Variants in DCAF6 observed in about 807,000 individuals in gnomAD.
DCAF6 encodes DDB1 and CUL4 associated factor 6, also known as DDB1- and CUL4-associated factor 6.
DCAF6 carries 54 observed loss-of-function variants against 125.1 expected under a neutral mutation model. The ratio of observed to expected loss-of-function variants is 0.43; its 90% CI spans 0.35 to 0.54. The LOEUF (loss-of-function observed/expected upper bound fraction) is 0.54. DCAF6 is among the 20% of genes least tolerant of loss of function. The probability of loss-of-function intolerance (pLI) is 0.01; values close to 1 mark genes in which losing one functional copy is unlikely to be tolerated. For missense variants in DCAF6, 934 were observed against 1,161.7 expected (o/e 0.80, Z 2.85); for synonymous variants, 371 against 390.4 (o/e 0.95, Z 0.58).
intron 10 of DCAF6, among the ~76,000 whole-genome samples, chr1:168,011,912 G>A (rs531218486): frequency 1.3e-5 from 2 of 152,302 alleles, no homozygotes; most frequent in African/African-American, 4.8e-5. Flanking sequence ...GGCAGAGGTT[G>A]CAGTGAGCCG....
At chr1:168,071,691 C>T (rs1398466005) in intron 21 of DCAF6, among the ~76,000 whole-genome samples, 2 of 152,102 alleles carry the variant, frequency 1.3e-5, no homozygotes. Context: ...AGTCTGCTAC[C>T]ACCTTTTTAA....
the DCAF6 span, among the ~76,000 whole-genome samples, chr1:167,875,926 G>T: frequency 2.6e-5 from 4 of 151,666 alleles, no homozygotes; most frequent in Non-Finnish European, 5.9e-5. Context: ...GCACTCCAGC[G>T]TGGGCAGCAG....
chr1:167,864,836 A>T, the DCAF6 span, among the ~76,000 whole-genome samples: 18 of 151,846 alleles, frequency 1.2e-4, no homozygotes, highest in Admixed American at 8.5e-4. Context: ...TCCTTAACCC[A>T]GTAACCCACG....
chr1:168,052,406 A>G (rs1283467276), intron 17 of DCAF6, among the ~76,000 whole-genome samples: 1 of 152,232 alleles, frequency 6.6e-6, no homozygotes, highest in African/African-American at 2.4e-5. Flanking sequence ...GGTAAAGCAG[A>G]AAATGTAACA....
the DCAF6 span, among the ~76,000 whole-genome samples, chr1:167,927,404 T>C: frequency 6.6e-6 from 1 of 152,238 alleles, no homozygotes; most frequent in Non-Finnish European, 1.5e-5. Context: ...TTCTTTGTCA[T>C]ACACAGTGTC....
At chr1:167,983,431 A>G (rs554304574) in intron 4 of DCAF6, among the ~76,000 whole-genome samples, 1 of 152,212 alleles carries the variant, frequency 6.6e-6, no homozygotes, top group South Asian at 2.1e-4. Flanking sequence ...TGGTTAGCTT[A>G]GTTGTCAGCT....
intron 13 of DCAF6, chr1:168,042,794 A>G: frequency 2.6e-6 from 1 of 381,252 alleles, no homozygotes; most frequent in Non-Finnish European, 4.8e-6. Context: ...GGATCCAAAC[A>G]GTGAAGAAGC....
At chr1:168,029,217 T>C (rs900246976) in intron 12 of DCAF6, among the ~76,000 whole-genome samples, 5 of 152,224 alleles carry the variant, frequency 3.3e-5, no homozygotes, top group Non-Finnish European at 4.4e-5. Context: ...ATAACTGACA[T>C]TTATTGAGTT....
At chr1:167,940,364 C>A (rs1456809798) in intron 1 of DCAF6, among the ~76,000 whole-genome samples, 1 of 151,832 alleles carries the variant, frequency 6.6e-6, no homozygotes, top group East Asian at 1.9e-4. Flanking sequence ...ATGTAGGATT[C>A]TTTTTTTTGG....
At chr1:167,938,140 C>T (rs929798956) in intron 1 of DCAF6, among the ~76,000 whole-genome samples, 2 of 152,112 alleles carry the variant, frequency 1.3e-5, no homozygotes, top group East Asian at 3.8e-4. Context: ...TCCCTTTGAT[C>T]CCTCCCATTC....
chr1:167,918,447 T>A, the DCAF6 span: 11 of 828,404 alleles, frequency 1.3e-5, no homozygotes, highest in East Asian at 1.9e-4. Flanking sequence ...CTCCATTTCT[T>A]CTTTCTTGGT....
intron 12 of DCAF6, chr1:168,023,489 A>G (rs1241541550): frequency 6.0e-6 from 1 of 167,820 alleles, no homozygotes; most frequent in African/African-American, 2.4e-5. Flanking sequence ...CTTATCTGGT[A>G]GCCAAATTCC....
intron 2 of DCAF6, among the ~76,000 whole-genome samples, chr1:167,953,856 C>T (rs566739585): frequency 1.3e-5 from 2 of 152,238 alleles, no homozygotes; most frequent in South Asian, 2.1e-4. Context: ...GCCTTGGCCT[C>T]CAAAAGTGCT....
chr1:167,972,988 T>G (rs1677567509), intron 3 of DCAF6, among the ~76,000 whole-genome samples: 1 of 152,204 alleles, frequency 6.6e-6, no homozygotes, highest in South Asian at 2.1e-4. Flanking sequence ...TCATAAATTT[T>G]TAAGAGTAAT....
Position 167,987,592 on chromosome 1 carries a change from A to T in DCAF6, c.536A>T (p.Lys179Ile). ...FDTRIKTSCT[K>I]EDCKDDILIN... is the part of the protein sequence containing the mutation. ...ACACGCATCAAAACTAGCTGCACAA[A>T]AGAAGATTGTAAAGATGTAAGAATT... is the stretch of plus-strand genomic sequence containing the variant. Residue 179 changes from lysine to isoleucine, a missense_variant, in exon 5 of 22, where the codon AAA becomes ATA. Lys to Ile is a moderately radical substitution (Grantham distance 102). Around this residue, in one of 5 missense-constraint regions of DCAF6, gnomAD observed 309 missense variants for 381.2 expected, o/e 0.81. Coordinates refer to ENST00000367840, the MANE Select transcript of DCAF6 (RefSeq NM_001198956.2). The T allele has an allele frequency of 6.3e-7, 1 of 1,577,006 alleles. No homozygotes were observed. The highest frequency in any genetic ancestry group is 1.1e-5 in the South Asian group (1 of 89,736).
chr1:167,877,399 G>T, the DCAF6 span, among the ~76,000 whole-genome samples: 1 of 151,696 alleles, frequency 6.6e-6, no homozygotes, highest in African/African-American at 2.4e-5. Flanking sequence ...CAGGAATACT[G>T]AAGGGAATAA....
intron 14 of DCAF6, 90 bp from the exon 15 acceptor site, chr1:168,044,495 T>G (rs1688918192): frequency 7.3e-6 from 6 of 817,384 alleles, no homozygotes; most frequent in Non-Finnish European, 1.3e-5. Flanking sequence ...ATGAGGGACT[T>G]GAGGAGCTGC....
rs193105492 is a variant in DCAF6 at position 167,969,558 on chromosome 1, T to A, written c.252+2837T>A. ...AAATTTTCAGTTTTACAGAATAAAT[T>A]GTTTATTTCTTGTTTTTCCACACTT... On this transcript the variant is annotated intron_variant, in intron 3 of 21. Coordinates refer to ENST00000367840, the MANE Select transcript of DCAF6 (RefSeq NM_001198956.2). Among the ~76,000 whole-genome samples, 476 of 152,346 alleles carry A rather than the reference T, an allele frequency of 3.1e-3. 7 individuals carry two copies. The highest frequency in any genetic ancestry group is 0.011 in the African/African-American group (457 of 41,570).
intron 16 of DCAF6, among the ~76,000 whole-genome samples, chr1:168,049,428 GTTGTTTTTTTT>G (rs1419166738): frequency 5.9e-5 from 4 of 67,420 alleles, no homozygotes; most frequent in African/African-American, 1.3e-4. Context: ...TGTTGTTGTT[GTTGTTTTTTTT>G]TTTTTTTTTT....
Sources: gnomAD v4.1 joint callset for allele counts (sites outside exome capture counted in the v4.1 genomes callset) on GRCh38, gnomAD v4.1.1 for gene constraint, gnomAD v4.1.1 regional missense constraint, MANE v1.5 for transcripts, NCBI Gene and HGNC (gene_info 2026-07-23, HGNC 2026-07-21) for gene names.